The following CATSPERE variants were observed in gnomAD, a reference collection of about 807,000 sequenced individuals.
CATSPERE encodes catsper channel auxiliary subunit epsilon.
Under a neutral mutation model 114.1 loss-of-function variants are expected in CATSPERE, and 93 were observed. The ratio of observed to expected loss-of-function variants is 0.81; its 90% confidence interval spans 0.69 to 0.97. The LOEUF (loss-of-function observed/expected upper bound fraction) is 0.97. Ranked by LOEUF, CATSPERE falls within the 50% of genes least tolerant of loss-of-function variation. CATSPERE has a pLI of 0.00. For synonymous variants in CATSPERE, 341 were observed against 384.1 expected (o/e 0.89, Z 1.31); for missense variants, 1,058 against 1,131.6 (o/e 0.93, Z 0.93).
At chr1:244,629,037 G>T (rs974143330) in intron 20 of CATSPERE, among the ~76,000 whole-genome samples, 1 of 152,070 alleles carries the variant, frequency 6.6e-6, no homozygotes, top group East Asian at 1.9e-4. Flanking sequence ...GGTGTTTGGG[G>T]GTCAGAAGTT....
rs1673557725 is a variant in CATSPERE, at chr1:244,498,963, A to G, written c.352-39A>G. On this transcript the variant is annotated intron_variant, in intron 6 of 21. Transcript: ENST00000366534. Reference sequence around the variant, plus strand: ...TGCCACAACTAAAAAAGAAATTTGTACAAAATGTAAAGAAATGCAAACAAA... The same window carrying G: ...TGCCACAACTAAAAAAGAAATTTGTGCAAAATGTAAAGAAATGCAAACAAA... 4 of 1,476,170 alleles carry G rather than the reference A, an allele frequency of 2.7e-6. No individual in the cohort carries two copies. The East Asian group carries it at 9.1e-5, about 34-fold the overall frequency. 91.4% of individuals were successfully genotyped at this position (1,476,170 alleles called of 1,614,324 possible).
At chr1:244,620,147 T>G (rs1415319335) in intron 20 of CATSPERE, among the ~76,000 whole-genome samples, 1 of 152,216 alleles carries the variant, frequency 6.6e-6, no homozygotes, top group Non-Finnish European at 1.5e-5. Flanking sequence ...TCGTAAAAGG[T>G]GTCATGCTAG....
intron 17 of CATSPERE, among the ~76,000 whole-genome samples, chr1:244,597,276 C>T (rs756036982): frequency 6.6e-6 from 1 of 152,182 alleles, no homozygotes; most frequent in East Asian, 1.9e-4. Flanking sequence ...TCTCCCAAAT[C>T]GCCCTCAGCC....
intron 10 of CATSPERE, among the ~76,000 whole-genome samples, chr1:244,569,680 A>G (rs1447240040): frequency 6.6e-6 from 1 of 151,968 alleles, no homozygotes; most frequent in Non-Finnish European, 1.5e-5. Flanking sequence ...TTATGTTTTG[A>G]TATTTAGCAA....
At chr1:244,558,444 A>G (rs140916209) in intron 9 of CATSPERE, among the ~76,000 whole-genome samples, 80 of 151,516 alleles carry the variant, frequency 5.3e-4, no homozygotes, top group Middle Eastern at 6.8e-3. Flanking sequence ...CTTTTTTATC[A>G]TTTCTATATC....
At chr1:244,461,831 A>G (rs2148062297) in intron 1 of CATSPERE, among the ~76,000 whole-genome samples, 1 of 152,298 alleles carries the variant, frequency 6.6e-6, no homozygotes, top group Admixed American at 6.5e-5. Flanking sequence ...TGTTTGTTTT[A>G]GAGACGGCCT....
At chr1:244,506,000 C>T (rs1014257982) in intron 7 of CATSPERE, among the ~76,000 whole-genome samples, 2 of 151,994 alleles carry the variant, frequency 1.3e-5, no homozygotes, top group Non-Finnish European at 2.9e-5. Flanking sequence ...AGCGAGACCC[C>T]ATCTCAAAAA....
chr1:244,510,702 G>A (rs1471993379), intron 7 of CATSPERE, among the ~76,000 whole-genome samples: 1 of 151,822 alleles, frequency 6.6e-6, no homozygotes, highest in East Asian at 1.9e-4. Flanking sequence ...GCTGAGAGTG[G>A]GGTGTTGAAC....
chr1:244,533,947 G>A (rs1240494751), intron 8 of CATSPERE, among the ~76,000 whole-genome samples: 1 of 152,114 alleles, frequency 6.6e-6, no homozygotes, highest in African/African-American at 2.4e-5. Flanking sequence ...GACAGATCTT[G>A]TGTTGATGAA....
rs372445206 is a variant in CATSPERE at position 244,477,582 on chromosome 1, T to C, written c.156T>C (p.Ser52=). 2.5e-6 allele frequency: 4 copies of C among 1,602,378 alleles called. No homozygotes were observed. The African/African-American group carries it at 5.4e-5, about 21-fold the overall frequency. ...EYEGTLFTEW[S]VPETCFVLNK... ...AAGGAACATTATTTACTGAGTGGAG[T>C]GTGCCAGAAACTTGTTTTGTGCTAA... Residue 52 remains serine, a synonymous_variant, in exon 3 of 22, where the codon AGT becomes AGC. Coordinates refer to ENST00000366534, the MANE Select transcript of CATSPERE (RefSeq NM_001130957.2).
intron 10 of CATSPERE, among the ~76,000 whole-genome samples, chr1:244,567,111 G>A (rs1397261784): frequency 6.6e-6 from 1 of 152,142 alleles, no homozygotes; most frequent in Non-Finnish European, 1.5e-5. Context: ...ATGAAGCTTA[G>A]TTTGGCTGAA....
chr1:244,476,200 G>C (rs1301304479), intron 2 of CATSPERE, among the ~76,000 whole-genome samples: 3 of 152,118 alleles, frequency 2.0e-5, no homozygotes, highest in Non-Finnish European at 4.4e-5. Context: ...AGCACTTTGG[G>C]ACGCTGAGGT....
chr1:244,496,075 A>G (rs1673041664), intron 6 of CATSPERE, among the ~76,000 whole-genome samples: 1 of 152,268 alleles, frequency 6.6e-6, no homozygotes, highest in African/African-American at 2.4e-5. Flanking sequence ...AAAAAGGATC[A>G]GTAACAAAAT....
At chr1:244,618,431 G>A (rs1460641587) in intron 20 of CATSPERE, among the ~76,000 whole-genome samples, 2 of 152,174 alleles carry the variant, frequency 1.3e-5, no homozygotes, top group African/African-American at 2.4e-5. Context: ...GGAAAACGGT[G>A]TGATGAAAGC....
At chr1:244,501,443 G>T (rs760406020) in intron 7 of CATSPERE, among the ~76,000 whole-genome samples, 35 of 152,150 alleles carry the variant, frequency 2.3e-4, no homozygotes, top group Non-Finnish European at 4.6e-4. Context: ...TGAGGAATTA[G>T]CTAACTGTTA....
chr1:244,458,127 G>A (rs920140619), upstream of CATSPERE, among the ~76,000 whole-genome samples: 14 of 152,074 alleles, frequency 9.2e-5, no homozygotes, highest in African/African-American at 3.4e-4. Flanking sequence ...AAATTTAACA[G>A]GTGCTCTTAA....
At chr1:244,552,278 G>C in intron 8 of CATSPERE, 44 bp from the exon 9 acceptor site, 1 of 1,553,424 alleles carries the variant, frequency 6.4e-7, no homozygotes. Context: ...AGATGGATCA[G>C]ATGAGAGAGA....
At chr1:244,502,697 T>A (rs1380312968) in intron 7 of CATSPERE, among the ~76,000 whole-genome samples, 1 of 151,950 alleles carries the variant, frequency 6.6e-6, no homozygotes, top group African/African-American at 2.4e-5. Context: ...TTTTTGGAGG[T>A]GATGCCAGGA....
At chr1:244,615,859 A>G (rs987573846) in intron 19 of CATSPERE, among the ~76,000 whole-genome samples, 4 of 151,534 alleles carry the variant, frequency 2.6e-5, no homozygotes, top group Non-Finnish European at 5.9e-5. Flanking sequence ...CATACCTGTA[A>G]TCCCAGCACT....
Sources: gnomAD v4.1 joint callset for allele counts (sites outside exome capture counted in the v4.1 genomes callset) on GRCh38, gnomAD v4.1.1 for gene constraint, MANE v1.5 for transcripts, NCBI Gene and HGNC (gene_info 2026-07-23, HGNC 2026-07-21) for gene names.